Variants in MIR2052HG observed in about 807,000 individuals in gnomAD.
The protein encoded by MIR2052HG is MIR2052 host gene.
intron 2 of MIR2052HG, among the ~76,000 whole-genome samples, chr8:74,685,807 T>C (rs1809174798): frequency 6.6e-6 from 1 of 152,058 alleles, no homozygotes; most frequent in Non-Finnish European, 1.5e-5. Context: ...TTTGTAACCA[T>C]TGACTTTAGA....
intron 4 of MIR2052HG, among the ~76,000 whole-genome samples, chr8:74,704,541 CT>C: frequency 6.6e-6 from 1 of 152,008 alleles, no homozygotes; most frequent in Non-Finnish European, 1.5e-5. Flanking sequence ...AGACTTTCCC[CT>C]TTTTCTTTTT....
intron 1 of MIR2052HG, chr8:74,603,764 G>C (rs1808062584): frequency 1.2e-6 from 1 of 847,862 alleles, no homozygotes. Context: ...ACACAGATCT[G>C]TTTGACACAC....
chr8:74,606,453 A>G (rs1414770309), intron 1 of MIR2052HG, among the ~76,000 whole-genome samples: 3 of 152,248 alleles, frequency 2.0e-5, no homozygotes, highest in African/African-American at 7.2e-5. Context: ...TATTTATAAC[A>G]TATGTAGAAA....
At chr8:74,713,619 C>T (rs1388502219) in intron 4 of MIR2052HG, among the ~76,000 whole-genome samples, 1 of 152,056 alleles carries the variant, frequency 6.6e-6, no homozygotes, top group Non-Finnish European at 1.5e-5. Flanking sequence ...GCATAGAACA[C>T]TGATACCATA....
At chr8:74,738,977 T>G (rs1208049151) in intron 4 of MIR2052HG, among the ~76,000 whole-genome samples, 2 of 152,230 alleles carry the variant, frequency 1.3e-5, no homozygotes, top group Admixed American at 6.5e-5. Flanking sequence ...TTTCTTTGTT[T>G]TTCTTTATAA....
At chr8:74,688,723 T>C (rs1271664585) in intron 2 of MIR2052HG, among the ~76,000 whole-genome samples, 1 of 152,198 alleles carries the variant, frequency 6.6e-6, no homozygotes, top group African/African-American at 2.4e-5. Flanking sequence ...TGATAAGTTC[T>C]TTAGTGGTGA....
Position 74,680,481 on chromosome 8 carries a change from A to G in MIR2052HG, n.217-21898A>G, listed in dbSNP as rs1459811904. ...GAAAAAATGCTCACCATCACTGGCC[A>G]TCAGAGAAATGCAAATCAAAACCAC... On this transcript the variant is annotated intron_variant and non_coding_transcript_variant, in intron 2 of 6. Coordinates refer to ENST00000523442, the Ensembl canonical transcript of MIR2052HG. 2.0e-5 allele frequency among the ~76,000 whole-genome samples: 3 copies of G among 152,218 alleles called. No individual in the cohort carries two copies. The East Asian group carries it at 5.8e-4, about 29-fold the overall frequency.
chr8:74,697,894 A>G (rs142826111), intron 2 of MIR2052HG, among the ~76,000 whole-genome samples: 1 of 152,320 alleles, frequency 6.6e-6, no homozygotes, highest in Admixed American at 6.5e-5. Context: ...ATGCTCATGG[A>G]TGGGTAGAAT....
At chr8:74,716,382 C>T (rs763396754) in intron 4 of MIR2052HG, among the ~76,000 whole-genome samples, 36 of 152,284 alleles carry the variant, frequency 2.4e-4, no homozygotes, top group Admixed American at 5.9e-4. Flanking sequence ...GGTATGTCTA[C>T]AGCTGGGCCT....
chr8:74,606,360 G>T (rs937996013), intron 1 of MIR2052HG, among the ~76,000 whole-genome samples: 1 of 152,120 alleles, frequency 6.6e-6, no homozygotes, highest in African/African-American at 2.4e-5. Context: ...GTCAATTCAG[G>T]TGGAAACAAG....
At chr8:74,652,706 A>G (rs553266293) in intron 2 of MIR2052HG, among the ~76,000 whole-genome samples, 1 of 152,330 alleles carries the variant, frequency 6.6e-6, no homozygotes, top group East Asian at 1.9e-4. Context: ...CATAACACAT[A>G]TCTATTTCTG....
chr8:74,753,901 C>G (rs896221786), intron 5 of MIR2052HG, among the ~76,000 whole-genome samples: 5 of 152,172 alleles, frequency 3.3e-5, no homozygotes, highest in African/African-American at 1.2e-4. Context: ...TTGTTAGTAT[C>G]CTACCTATTG....
chr8:74,642,842 T>C (rs527920905), intron 2 of MIR2052HG, among the ~76,000 whole-genome samples: 83 of 152,326 alleles, frequency 5.4e-4, no homozygotes, highest in Middle Eastern at 3.4e-3. Context: ...TACTTGGGTT[T>C]CATTGCGTGT....
At position 74,686,253 on chromosome 8, in the gene MIR2052HG, C is replaced by T. The variant is rs148137435; in HGVS notation, n.217-16126C>T. Among the ~76,000 whole-genome samples the T allele has an allele frequency of 4.6e-4, 70 of 152,016 alleles. No individual in the cohort carries two copies. In the East Asian group the frequency reaches 0.013, roughly 28 times the overall value. Reference sequence around the variant, plus strand: ...CCTTTAACTTTTTATTTCATGGTCTCCCTAGTCTAATTCTGATCCTCACTA... The same window carrying T: ...CCTTTAACTTTTTATTTCATGGTCTTCCTAGTCTAATTCTGATCCTCACTA... On this transcript the variant is annotated intron_variant and non_coding_transcript_variant, in intron 2 of 6. Transcript: ENST00000523442.
chr8:74,657,437 T>C (rs1240258123), intron 2 of MIR2052HG, among the ~76,000 whole-genome samples: 1 of 152,200 alleles, frequency 6.6e-6, no homozygotes, highest in Non-Finnish European at 1.5e-5. Flanking sequence ...AGGCTGCTAC[T>C]CAAAGAGTGG....
chr8:74,709,327 G>A (rs1489080799), intron 4 of MIR2052HG, among the ~76,000 whole-genome samples: 1 of 152,072 alleles, frequency 6.6e-6, no homozygotes, highest in Non-Finnish European at 1.5e-5. Context: ...CTGGCATCAT[G>A]GAGAATTAAG....
chr8:74,628,583 G>A (rs1434222254), intron 2 of MIR2052HG, among the ~76,000 whole-genome samples: 1 of 152,090 alleles, frequency 6.6e-6, no homozygotes, highest in South Asian at 2.1e-4. Flanking sequence ...TTTTGAGGGC[G>A]ACTTCTGATT....
chr8:74,614,612 CTTA>C lies in MIR2052HG; in HGVS notation n.216+1674_216+1676del, dbSNP rs554846176. Among the ~76,000 whole-genome samples, 47 of 152,144 alleles carry C rather than the reference CTTA, an allele frequency of 3.1e-4. No individual in the cohort carries two copies. The Middle Eastern group carries it at 0.01, about 33-fold the overall frequency. ...TAGTTTTTCTTTACATTGCTTTCCCCTTATAATATTTTCCTTTACTTGTATTTC... is the reference window on the plus strand; with the variant it reads ...TAGTTTTTCTTTACATTGCTTTCCCCTAATATTTTCCTTTACTTGTATTTC... On this transcript the variant is annotated intron_variant and non_coding_transcript_variant, in intron 2 of 6. Transcript: ENST00000523442.
intron 2 of MIR2052HG, among the ~76,000 whole-genome samples, chr8:74,640,196 C>T (rs1038693071): frequency 1.3e-5 from 2 of 152,082 alleles, no homozygotes; most frequent in African/African-American, 4.8e-5. Context: ...CAGTAGCTCA[C>T]ACTTGTAATC....
Sources: allele counts gnomAD v4.1 joint callset (sites outside exome capture counted in the v4.1 genomes callset), GRCh38; gene constraint gnomAD v4.1.1; transcripts MANE v1.5; gene names NCBI Gene and HGNC (gene_info 2026-07-23, HGNC 2026-07-21).